SAMD12: variants seen among roughly 807,000 people sequenced by gnomAD.
SAMD12 encodes sterile alpha motif domain containing 12.
SAMD12 carries 9 observed loss-of-function variants against 15.0 expected under a neutral mutation model. That is an observed-to-expected ratio of 0.60 (90% CI 0.36 to 1.05). SAMD12 has a LOEUF of 1.05. Among genes scored for constraint, SAMD12 ranks in the 50% least tolerant of loss-of-function variants. The pLI, the probability that SAMD12 is intolerant of heterozygous loss-of-function variation, is 0.01. For synonymous variants in SAMD12, 86 were observed against 90.1 expected, an observed-to-expected ratio of 0.96 and a Z score of 0.25; for missense variants, 230 against 234.2, an observed-to-expected ratio of 0.98 and a Z score of 0.12.
At chr8:118,281,814 A>G (rs1813659439) in intron 4 of SAMD12, among the ~76,000 whole-genome samples, 1 of 152,146 alleles carries the variant, frequency 6.6e-6, no homozygotes, top group Admixed American at 6.5e-5. Flanking sequence ...CTAAACTAAC[A>G]TGTCCTTTAC....
chr8:118,156,232 A>G, the SAMD12 span, among the ~76,000 whole-genome samples: 1 of 152,192 alleles, frequency 6.6e-6, no homozygotes, highest in East Asian at 1.9e-4. Context: ...TTTCCATGGC[A>G]CTTTACATGG....
intron 4 of SAMD12, among the ~76,000 whole-genome samples, chr8:118,340,257 T>C (rs750430096): frequency 2.4e-4 from 37 of 152,122 alleles, no homozygotes; most frequent in Non-Finnish European, 4.9e-4. Context: ...ATGTCAAAGA[T>C]GAATGGGAGC....
chr8:118,523,881 G>T (rs1825460004), intron 2 of SAMD12, among the ~76,000 whole-genome samples: 1 of 152,062 alleles, frequency 6.6e-6, no homozygotes, highest in South Asian at 2.1e-4. Context: ...CCACTCACCT[G>T]TCTTGTCCCT....
chr8:118,225,736 C>CT (rs1235603347), intron 4 of SAMD12, among the ~76,000 whole-genome samples: 1 of 152,148 alleles, frequency 6.6e-6, no homozygotes, highest in African/African-American at 2.4e-5. Flanking sequence ...AACAGTCCCC[C>CT]TTTTCAAAGA....
chr8:118,580,553 A>T (rs1426015743), intron 2 of SAMD12, among the ~76,000 whole-genome samples, 162 bp downstream of exon 2: 1 of 152,206 alleles, frequency 6.6e-6, no homozygotes, highest in Non-Finnish European at 1.5e-5. Flanking sequence ...AATACAGTTA[A>T]TATTTTCATT....
rs150212262 is a variant in SAMD12 at position 118,574,272 on chromosome 8, G to A, written c.192+6443C>T. 5.0e-3 allele frequency among the ~76,000 whole-genome samples: 768 copies of A among 152,298 alleles called. 8 individuals carry two copies. The highest frequency in any genetic ancestry group is 8.2e-3 in the Non-Finnish European group (559 of 68,030). On this transcript the variant is annotated intron_variant, in intron 2 of 3. Coordinates refer to ENST00000314727, the MANE Select transcript of SAMD12 (RefSeq NM_207506.3). Reference sequence around the variant, plus strand: ...GCTCTGATACACTCGCCTGAACACCGCCCTCCTTTTACATTGTCAAATGGC... The same window carrying A: ...GCTCTGATACACTCGCCTGAACACCACCCTCCTTTTACATTGTCAAATGGC...
chr8:118,204,784 A>G (rs1819816611), intron 4 of SAMD12, among the ~76,000 whole-genome samples: 1 of 152,160 alleles, frequency 6.6e-6, no homozygotes, highest in Non-Finnish European at 1.5e-5. Flanking sequence ...AAATATAATA[A>G]AAGAATCTCC....
chr8:118,317,693 A>G (rs781537169), intron 4 of SAMD12, among the ~76,000 whole-genome samples: 2 of 152,198 alleles, frequency 1.3e-5, no homozygotes, highest in Non-Finnish European at 2.9e-5. Flanking sequence ...TGCTTGTTGC[A>G]TAGGTATTCA....
intron 4 of SAMD12, among the ~76,000 whole-genome samples, chr8:118,248,992 ACG>A (rs1258860737): frequency 2.6e-5 from 4 of 152,112 alleles, no homozygotes; most frequent in African/African-American, 9.7e-5. Flanking sequence ...TTGATCCCCC[ACG>A]GATCCCAAAA....
intron 2 of SAMD12, among the ~76,000 whole-genome samples, chr8:118,531,987 G>A (rs1275484793): frequency 6.6e-6 from 1 of 152,114 alleles, no homozygotes; most frequent in Admixed American, 6.5e-5. Flanking sequence ...GGCGAGCGAG[G>A]GCATCCCTGT....
At chr8:118,434,717 C>T (rs932963494) in intron 3 of SAMD12, among the ~76,000 whole-genome samples, 2 of 152,190 alleles carry the variant, frequency 1.3e-5, no homozygotes, top group African/African-American at 2.4e-5. Context: ...CAGAAACATA[C>T]GCAAATTTCT....
chr8:118,379,218 C>T lies in SAMD12; in HGVS notation c.*199G>A. The T allele has an allele frequency of 1.4e-6, 2 of 1,403,474 alleles. No homozygotes were observed. Among genetic ancestry groups the T allele is most frequent in the Non-Finnish European group, 1.9e-6 (2 of 1,080,952 alleles). The allele number at this position is 1,403,474 out of a possible 1,614,324, so 86.9% of individuals were successfully genotyped here. A position where few individuals can be genotyped will look rare whatever the true frequency, so the allele number is the denominator to read the frequency against. Reference sequence around the variant, plus strand: ...GGACTGTACAGTTGTGCAGGCTGCACATTATACAACTCTAGTGAGTGCAAT... The same window carrying T: ...GGACTGTACAGTTGTGCAGGCTGCATATTATACAACTCTAGTGAGTGCAAT... On this transcript the variant is annotated 3_prime_UTR_variant, in exon 4 of 4. Coordinates refer to ENST00000314727, the MANE Select transcript of SAMD12 (RefSeq NM_207506.3).
intron 4 of SAMD12, among the ~76,000 whole-genome samples, chr8:118,272,149 T>C (rs973642393): frequency 6.6e-6 from 1 of 152,184 alleles, no homozygotes; most frequent in African/African-American, 2.4e-5. Flanking sequence ...TTTCCATACA[T>C]CCTCTGAAAT....
intron 4 of SAMD12, among the ~76,000 whole-genome samples, chr8:118,234,175 T>G (rs546807272): frequency 1.4e-4 from 21 of 152,222 alleles, no homozygotes; most frequent in African/African-American, 4.8e-4. Context: ...CTCGATGTTT[T>G]TTGGTGAAGA....
At chr8:118,175,088 G>A in the SAMD12 span, among the ~76,000 whole-genome samples, 1 of 150,562 alleles carries the variant, frequency 6.6e-6, no homozygotes, top group Non-Finnish European at 1.5e-5. Context: ...CATATTACCT[G>A]ACTTCAAACT....
intron 2 of SAMD12, among the ~76,000 whole-genome samples, chr8:118,464,181 C>T (rs1586738155): frequency 6.6e-6 from 1 of 152,164 alleles, no homozygotes; most frequent in African/African-American, 2.4e-5. Flanking sequence ...GAAGTCCCCT[C>T]ATATAACCAT....
intron 1 of SAMD12, among the ~76,000 whole-genome samples, chr8:118,587,583 A>C (rs959275899): frequency 6.6e-6 from 1 of 152,360 alleles, no homozygotes; most frequent in African/African-American, 2.4e-5. Flanking sequence ...TGGAACTGAC[A>C]AAAGAGGAAA....
At chr8:118,259,043 G>C (rs1813019268) in intron 4 of SAMD12, among the ~76,000 whole-genome samples, 1 of 152,086 alleles carries the variant, frequency 6.6e-6, no homozygotes, top group South Asian at 2.1e-4. Context: ...AGTACACTTT[G>C]ATACTTATAC....
At chr8:118,443,142 A>G (rs553254578) in intron 2 of SAMD12, among the ~76,000 whole-genome samples, 1 of 152,318 alleles carries the variant, frequency 6.6e-6, no homozygotes, top group Non-Finnish European at 1.5e-5. Context: ...GTAAGAGCAT[A>G]TACTCAAAAC....
Sources: allele counts gnomAD v4.1 joint callset (sites outside exome capture counted in the v4.1 genomes callset), GRCh38; gene constraint gnomAD v4.1.1; transcripts MANE v1.5; gene names NCBI Gene and HGNC (gene_info 2026-07-23, HGNC 2026-07-21).